Variants in NBEAL1 observed in about 807,000 individuals in gnomAD.
NBEAL1 encodes the protein neurobeachin like 1, also known as neurobeachin-like protein 1.
NBEAL1 carries 273 observed loss-of-function variants against 351.3 expected under a neutral mutation model. The ratio of observed to expected loss-of-function variants is 0.78; its 90% CI spans 0.70 to 0.86. The LOEUF is 0.86. Ranked by LOEUF, NBEAL1 falls within the 40% of genes least tolerant of loss-of-function variation. The pLI is 0.00. For missense variants in NBEAL1, 2,961 were observed against 3,201.3 expected (o/e 0.92, Z 1.81); for synonymous variants, 1,050 against 1,086.4 (o/e 0.97, Z 0.66).
At chr2:203,087,726 G>A (rs1376387735) in intron 10 of NBEAL1, among the ~76,000 whole-genome samples, 1 of 151,880 alleles carries the variant, frequency 6.6e-6, no homozygotes, top group East Asian at 1.9e-4. Flanking sequence ...GATGCTCCTG[G>A]GTCTAGATAG....
intron 11 of NBEAL1, among the ~76,000 whole-genome samples, chr2:203,098,710 AGG>A (rs1433432180): frequency 1.3e-5 from 2 of 152,180 alleles, no homozygotes; most frequent in Non-Finnish European, 2.9e-5. Context: ...TACAACTTTT[AGG>A]ATTAAAAGTT....
chr2:203,176,416 T>A (rs2064503032), intron 42 of NBEAL1, among the ~76,000 whole-genome samples: 1 of 152,046 alleles, frequency 6.6e-6, no homozygotes, highest in South Asian at 2.1e-4. Context: ...AGAAGATACT[T>A]TTCTCTCCAT....
Position 203,183,982 on chromosome 2 carries a change from G to A in NBEAL1, c.6705+594G>A, listed in dbSNP as rs2064812309. Among the ~76,000 whole-genome samples, 4 of 151,260 alleles carry A rather than the reference G, an allele frequency of 2.6e-5. No homozygotes were observed. In the South Asian group the frequency reaches 8.3e-4, roughly 31 times the overall value. ...AATCTCAGCTACTCAGGAGGCTGAG[G>A]CAGGAGAATCGCTTGAACCCAGGAG... On this transcript the variant is annotated intron_variant, in intron 44 of 55. Transcript: ENST00000683969.
chr2:203,093,770 C>T (rs1490412319), intron 10 of NBEAL1, among the ~76,000 whole-genome samples: 3 of 152,106 alleles, frequency 2.0e-5, no homozygotes, highest in African/African-American at 7.2e-5. Context: ...ATCGTTTGAA[C>T]TTAGAGGGTG....
chr2:203,217,481 C>G lies in NBEAL1; in HGVS notation c.*127C>G. ...CCTGAAAATCATTTACAGATAACCA[C>G]AATTTGCTGTGGTATATAAACTAAT... On this transcript the variant is annotated 3_prime_UTR_variant, in exon 56 of 56. Transcript: ENST00000683969. The G allele has an allele frequency of 7.6e-7, 1 of 1,321,276 alleles. No homozygotes were observed. The highest frequency in any genetic ancestry group is 9.7e-7 in the Non-Finnish European group (1 of 1,032,850). 81.8% of individuals were successfully genotyped at this position (1,321,276 alleles called of 1,614,324 possible).
At chr2:203,213,883 T>A in intron 55 of NBEAL1, 1 of 644,440 alleles carries the variant, frequency 1.6e-6, no homozygotes. Flanking sequence ...TCTATAGGAA[T>A]AAGACAGTTC....
chr2:203,022,643 T>C (rs1426693841), intron 2 of NBEAL1, among the ~76,000 whole-genome samples: 1 of 152,212 alleles, frequency 6.6e-6, no homozygotes, highest in Non-Finnish European at 1.5e-5. Context: ...ATGTAATCTT[T>C]ATAAGTATTT....
intron 6 of NBEAL1, among the ~76,000 whole-genome samples, chr2:203,058,355 A>C (rs2061440592): frequency 6.6e-6 from 1 of 152,200 alleles, no homozygotes; most frequent in Non-Finnish European, 1.5e-5. Context: ...ATTTTAAAAG[A>C]GAGGATCTAA....
intron 3 of NBEAL1, 32 bp from the exon 4 acceptor site, chr2:203,049,782 A>G (rs2061294564): frequency 6.7e-7 from 1 of 1,488,866 alleles, no homozygotes. Flanking sequence ...GTATTTCAAC[A>G]GGCTTCTTAT....
intron 47 of NBEAL1, among the ~76,000 whole-genome samples, chr2:203,195,661 G>A (rs2065220702): frequency 6.6e-6 from 1 of 152,196 alleles, no homozygotes; most frequent in African/African-American, 2.4e-5. Flanking sequence ...ATGGTGTGCA[G>A]TCCAGGGGAA....
rs560212415 is a variant in NBEAL1, at chr2:203,126,680, C to G, written c.3109C>G (p.Arg1037Gly). The change falls in exon 22 of 56, where the codon CGT becomes GGT. Residue 1037 changes from arginine to glycine, a missense_variant. By Grantham distance (125) the Arg-to-Gly change is moderately radical. Transcript: ENST00000683969. ...GTATCAATATTTACTCTTTGACTTTCGTATTTGGAACCGTGGAGATTTTCC... is the reference window on the plus strand; with the variant it reads ...GTATCAATATTTACTCTTTGACTTTGGTATTTGGAACCGTGGAGATTTTCC... The part of the protein sequence containing the change: ...QMYQYLLFDF[R>G]IWNRGDFPFR... 6.6e-7 allele frequency: 1 copy of G among 1,519,782 alleles called. No individual in the cohort carries two copies. The highest frequency in any genetic ancestry group is 8.8e-7 in the Non-Finnish European group (1 of 1,133,962). The allele number at this position is 1,519,782 out of a possible 1,614,324, so 94.1% of individuals were successfully genotyped here. A position where few individuals can be genotyped will look rare whatever the true frequency, so the allele number is the denominator to read the frequency against.
rs577001765 is a variant in NBEAL1 at position 203,124,975 on chromosome 2, G to A, written c.2683-377G>A. 1.4e-4 allele frequency among the ~76,000 whole-genome samples: 22 copies of A among 152,180 alleles called. No homozygotes were observed. In the East Asian group the frequency reaches 2.1e-3, roughly 15 times the overall value. Reference sequence around the variant, plus strand: ...GTCAGTCATATTTCTACCACCAAATGCATTTTTTTTCATTGTTTATTCTCT... The same window carrying A: ...GTCAGTCATATTTCTACCACCAAATACATTTTTTTTCATTGTTTATTCTCT... On this transcript the variant is annotated intron_variant, in intron 19 of 55. Coordinates refer to ENST00000683969, the MANE Select transcript of NBEAL1 (RefSeq NM_001378026.1).
Position 203,107,960 on chromosome 2 carries a change from C to T in NBEAL1, c.1721C>T (p.Pro574Leu). 6.4e-7 allele frequency: 1 copy of T among 1,554,408 alleles called. No homozygotes were observed. The highest frequency in any genetic ancestry group is 8.7e-7 in the Non-Finnish European group (1 of 1,147,784). Reference protein sequence around the residue: ...LRVDESESVHPYVTPVTRAIL... With the variant: ...LRVDESESVHLYVTPVTRAIL... ...GTGGATGAATCTGAGTCTGTTCACCCTTATGTCACTCCCGTGACTCGAGCA... is the reference window on the plus strand; with the variant it reads ...GTGGATGAATCTGAGTCTGTTCACCTTTATGTCACTCCCGTGACTCGAGCA... The change falls in exon 14 of 56, where the codon CCT (proline) becomes CTT (leucine). Residue 574 changes from proline to leucine, a missense_variant. Physicochemically the swap from Pro to Leu is moderately conservative, Grantham distance 98. Transcript: ENST00000683969.
intron 2 of NBEAL1, among the ~76,000 whole-genome samples, chr2:203,021,585 A>AC (rs1418042091): frequency 6.6e-6 from 1 of 151,466 alleles, no homozygotes. Context: ...ACAGAGTGAG[A>AC]CCCCATTTAA....
At chr2:203,063,484 G>A (rs1275242919) in intron 6 of NBEAL1, among the ~76,000 whole-genome samples, 3 of 150,956 alleles carry the variant, frequency 2.0e-5, no homozygotes, top group Non-Finnish European at 4.4e-5. Context: ...GAGGAAAGGA[G>A]AGGAGAGGAG....
chr2:203,160,061 T>G (rs1405620681), intron 36 of NBEAL1, among the ~76,000 whole-genome samples: 1 of 150,200 alleles, frequency 6.7e-6, no homozygotes, highest in African/African-American at 2.4e-5. Flanking sequence ...TATATGCAAA[T>G]CACTTGCCCC....
intron 28 of NBEAL1, 146 bp downstream of exon 28, chr2:203,136,398 A>G (rs546405943): frequency 3.6e-5 from 29 of 803,914 alleles, no homozygotes; most frequent in Non-Finnish European, 5.1e-5. Flanking sequence ...GAAACCTGGA[A>G]GTCACTAGAT....
chr2:203,040,730 C>T, intron 2 of NBEAL1: 1 of 591,016 alleles, frequency 1.7e-6, no homozygotes, highest in Admixed American at 1.9e-5. Flanking sequence ...TTCTTGCTCC[C>T]TTTCCACCTT....
chr2:203,143,324 C>T (rs868011436), intron 31 of NBEAL1, among the ~76,000 whole-genome samples: 1 of 146,216 alleles, frequency 6.8e-6, no homozygotes, highest in Non-Finnish European at 1.5e-5. Context: ...ATGTATATTA[C>T]TCGGGAATTT....
Sources: gnomAD v4.1 joint callset for allele counts (sites outside exome capture counted in the v4.1 genomes callset) on GRCh38, gnomAD v4.1.1 for gene constraint, MANE v1.5 for transcripts, NCBI Gene and HGNC (gene_info 2026-07-23, HGNC 2026-07-21) for gene names.